The following CCDC158 variants were observed in gnomAD, a reference collection of about 807,000 sequenced individuals.
The protein encoded by CCDC158 is coiled-coil domain containing 158.
In CCDC158, 116 loss-of-function variants were observed where a neutral mutation model predicts 138.6. That is an observed-to-expected ratio of 0.84 (90% CI 0.72 to 0.98). The LOEUF (loss-of-function observed/expected upper bound fraction) is 0.98, where lower values mean the gene tolerates loss of function less well. Among genes scored for constraint, CCDC158 ranks in the 50% least tolerant of loss-of-function variants. The probability of loss-of-function intolerance (pLI) is 0.00; values close to 1 mark genes in which losing one functional copy is unlikely to be tolerated. For synonymous variants in CCDC158, 436 were observed against 442.4 expected (o/e 0.99, Z 0.18); for missense variants, 1,265 against 1,306.1 (o/e 0.97, Z 0.48).
chr4:76,383,363 A>AC (rs1454288844), intron 7 of CCDC158, among the ~76,000 whole-genome samples: 1 of 151,048 alleles, frequency 6.6e-6, no homozygotes, highest in Non-Finnish European at 1.5e-5. Context: ...CCATCCACAG[A>AC]CCCCCTCACC....
intron 1 of CCDC158, among the ~76,000 whole-genome samples, chr4:76,412,581 GTC>G (rs1471301496): frequency 6.6e-6 from 1 of 152,072 alleles, no homozygotes; most frequent in African/African-American, 2.4e-5. Context: ...GGGAAACCCC[GTC>G]TCTACTAAAA....
intron 8 of CCDC158, among the ~76,000 whole-genome samples, chr4:76,380,654 A>C (rs1349662767): frequency 6.6e-6 from 1 of 152,236 alleles, no homozygotes; most frequent in African/African-American, 2.4e-5. Context: ...TGTGGTAGAA[A>C]AGAAAAACCC....
rs149548692 is a variant in CCDC158 at position 76,380,861 on chromosome 4, G to A, written c.915-1457C>T. ...ATCGCTCTGTGCGTCCTCGGTACAT[G>A]GCACCCTGTGTCCCAGCTGCTCCAG... is the stretch of plus-strand genomic sequence containing the variant. On this transcript the variant is annotated intron_variant, in intron 8 of 24. Coordinates refer to ENST00000682701, the MANE Select transcript of CCDC158 (RefSeq NM_001394954.1). Among the ~76,000 whole-genome samples, 4 of 152,302 alleles carry A rather than the reference G, an allele frequency of 2.6e-5. No individual in the cohort carries two copies. In the East Asian group the frequency reaches 7.7e-4, roughly 29 times the overall value.
chr4:76,340,833 C>T (rs985889345), intron 18 of CCDC158, among the ~76,000 whole-genome samples: 3 of 152,062 alleles, frequency 2.0e-5, no homozygotes, highest in Non-Finnish European at 4.4e-5. Context: ...CCAAAATCAC[C>T]CCCCGCCTCA....
intron 24 of CCDC158, among the ~76,000 whole-genome samples, chr4:76,315,406 C>T (rs1719290318): frequency 6.6e-6 from 1 of 152,192 alleles, no homozygotes; most frequent in Non-Finnish European, 1.5e-5. Context: ...AACCCAAATA[C>T]TTATCCTGGC....
At chr4:76,376,159 T>G (rs1191187960) in intron 9 of CCDC158, among the ~76,000 whole-genome samples, 1 of 152,094 alleles carries the variant, frequency 6.6e-6, no homozygotes, top group Non-Finnish European at 1.5e-5. Context: ...CCTCAAGCTA[T>G]CCTCCCATCT....
chr4:76,338,234 G>A (rs973844093), intron 18 of CCDC158, among the ~76,000 whole-genome samples: 4 of 152,302 alleles, frequency 2.6e-5, no homozygotes, highest in Non-Finnish European at 1.5e-5. Context: ...AGCAAAAGCC[G>A]GGTGCAGTGG....
chr4:76,345,681 T>C, intron 18 of CCDC158: 1 of 682,818 alleles, frequency 1.5e-6, no homozygotes, highest in Non-Finnish European at 2.7e-6. Flanking sequence ...TTTATTAGCT[T>C]TAACTTTAGT....
Position 76,367,668 on chromosome 4 carries a change from C to T in CCDC158, c.1456G>A (p.Ala486Thr). Residue 486 changes from alanine (A) to threonine (T), a missense_variant, in exon 12 of 25, where the codon GCC (alanine) becomes ACC (threonine). Transcript: ENST00000682701. ...MLRKVVEELT[A>T]KKMTLESSER... Reference sequence around the variant, plus strand: ...GAGCTCTCCAGAGTCATTTTCTTGGCTGTCAACTCTTCTACTACTTTGCGC... The same window carrying T: ...GAGCTCTCCAGAGTCATTTTCTTGGTTGTCAACTCTTCTACTACTTTGCGC... 1 of 1,614,174 alleles carries T rather than the reference C, an allele frequency of 6.2e-7. No homozygotes were observed.
chr4:76,325,709 T>A, intron 23 of CCDC158, 148 bp downstream of exon 23: 2 of 551,486 alleles, frequency 3.6e-6, no homozygotes, highest in African/African-American at 1.9e-5. Context: ...CTGTTCTATT[T>A]AAAAAAGACC....
rs138038313 is a variant in CCDC158 at position 76,416,425 on chromosome 4, T to C, written c.-116-4293A>G. Among the ~76,000 whole-genome samples, 681 of 152,278 alleles carry C rather than the reference T, an allele frequency of 4.5e-3. 6 individuals are homozygous for C. The highest frequency in any genetic ancestry group is 0.015 in the African/African-American group (623 of 41,570). On this transcript the variant is annotated intron_variant, in intron 1 of 24. Coordinates refer to ENST00000682701, the MANE Select transcript of CCDC158 (RefSeq NM_001394954.1). ...CTCCGCACACGGGGAGAAAACCCAC[T>C]GACCCTGTGGGGCTGGACTCTACAG...
At position 76,313,254 on chromosome 4, in the gene CCDC158, T is replaced by C; in HGVS notation, c.3278-8A>G. ...TGATCATTGAAGACATTGCTGAAAA[T>C]GTTGATAAAACAGTTAGAATAACAA... On this transcript the variant is annotated splice_region_variant and splice_polypyrimidine_tract_variant and intron_variant, in intron 24 of 24. Transcript: ENST00000682701. The C allele has an allele frequency of 6.4e-7, 1 of 1,573,788 alleles. No homozygotes were observed. Among genetic ancestry groups the C allele is most frequent in the Non-Finnish European group, 8.7e-7 (1 of 1,148,998 alleles).
intron 4 of CCDC158, among the ~76,000 whole-genome samples, 176 bp from the exon 5 acceptor site, chr4:76,384,841 AAC>A (rs1208279836): frequency 6.6e-6 from 1 of 152,228 alleles, no homozygotes; most frequent in Non-Finnish European, 1.5e-5. Flanking sequence ...AGAATACCTT[AAC>A]CAGTCTCCCT....
intron 3 of CCDC158, among the ~76,000 whole-genome samples, chr4:76,399,877 G>T (rs1197229366): frequency 1.3e-5 from 2 of 152,268 alleles, no homozygotes; most frequent in South Asian, 2.1e-4. Flanking sequence ...AGTTGACAGT[G>T]GGGGGTGAGA....
chr4:76,390,092 T>G (rs1166212857), intron 4 of CCDC158, among the ~76,000 whole-genome samples: 2 of 152,144 alleles, frequency 1.3e-5, no homozygotes, highest in African/African-American at 4.8e-5. Context: ...GTGTGTAAAC[T>G]TCTCTTAAGT....
chr4:76,407,117 A>G (rs903570915), intron 2 of CCDC158: 1 of 152,148 alleles, frequency 6.6e-6, no homozygotes, highest in Non-Finnish European at 1.5e-5. Context: ...GCTGCTTATC[A>G]TTTTTACATT....
chr4:76,410,114 T>A (rs1729175272), intron 2 of CCDC158, among the ~76,000 whole-genome samples: 1 of 152,184 alleles, frequency 6.6e-6, no homozygotes, highest in Non-Finnish European at 1.5e-5. Flanking sequence ...TCACCTTGAT[T>A]TCTTTTTGTA....
In CCDC158 at chr4:76,326,008, T is replaced by C. The variant is rs1256796660; in HGVS notation, c.3018A>G (p.Pro1006=). Residue 1006 remains proline (P), a synonymous_variant, in exon 23 of 25, where the codon CCA becomes CCG. Transcript: ENST00000682701. ...AACGAGAAGCTGAGTTTTTCACAGA[T>C]GGACTTGCTAAAAGTTTGCAAGAAT... ...GCFTFTSAAS[P]SVKNSASRSF... The C allele has an allele frequency of 1.4e-5, 22 of 1,610,748 alleles. No individual in the cohort carries two copies. Among genetic ancestry groups the C allele is most frequent in the Non-Finnish European group, 1.8e-5 (21 of 1,178,816 alleles).
At chr4:76,371,004 G>T (rs966602154) in intron 10 of CCDC158, among the ~76,000 whole-genome samples, 1 of 152,116 alleles carries the variant, frequency 6.6e-6, no homozygotes, top group African/African-American at 2.4e-5. Flanking sequence ...GGACAGAGTG[G>T]CTTCATTATG....
Sources: allele counts gnomAD v4.1 joint callset (sites outside exome capture counted in the v4.1 genomes callset), GRCh38; gene constraint gnomAD v4.1.1; transcripts MANE v1.5; gene names NCBI Gene and HGNC (gene_info 2026-07-23, HGNC 2026-07-21).